TEX14: variants seen among roughly 807,000 people sequenced by gnomAD.
The protein encoded by TEX14 is testis expressed 14, intercellular bridge forming factor, also known as inactive serine/threonine-protein kinase TEX14.
TEX14 carries 168 observed loss-of-function variants against 178.6 expected under a neutral mutation model. The ratio of observed to expected loss-of-function variants is 0.94; its 90% confidence interval spans 0.83 to 1.07. TEX14 has a LOEUF of 1.07. Among genes scored for constraint, TEX14 ranks in the 50% least tolerant of loss-of-function variants. The probability of loss-of-function intolerance (pLI) is 0.00; values close to 1 mark genes in which losing one functional copy is unlikely to be tolerated. For synonymous variants in TEX14, 626 were observed against 634.1 expected, an observed-to-expected ratio of 0.99 and a Z score of 0.19; for missense variants, 1,730 against 1,753.6, an observed-to-expected ratio of 0.99 and a Z score of 0.24.
chr17:58,560,535 A>C (rs1474587899), intron 29 of TEX14, among the ~76,000 whole-genome samples: 2 of 152,240 alleles, frequency 1.3e-5, no homozygotes, highest in Non-Finnish European at 2.9e-5. Context: ...TTGAATAAAA[A>C]TCTGTTACTC....
At chr17:58,604,517 T>C (rs1268699246) in intron 11 of TEX14, among the ~76,000 whole-genome samples, 1 of 151,214 alleles carries the variant, frequency 6.6e-6, no homozygotes, top group Non-Finnish European at 1.5e-5. Flanking sequence ...TTAGTGTGGA[T>C]TAAATGCATC....
intron 10 of TEX14, among the ~76,000 whole-genome samples, chr17:58,605,917 A>C (rs568136153): frequency 6.6e-6 from 1 of 152,152 alleles, no homozygotes. Context: ...ATCTGCTTTT[A>C]TATCACTGTA....
In TEX14 at chr17:58,577,359, TA is replaced by T; in HGVS notation, c.3320+15del. The T allele has an allele frequency of 8.5e-7, 1 of 1,179,364 alleles. No individual in the cohort carries two copies. Among genetic ancestry groups the T allele is most frequent in the Non-Finnish European group, 1.2e-6 (1 of 847,046 alleles). The allele number at this position is 1,179,364 out of a possible 1,614,324, so 73.1% of individuals were successfully genotyped here. ...TCTATGAGTTTGAAACTGCATAAGA[TA>T]ATAATAGCCCATACCTTCGTACAGG... On this transcript the variant is annotated intron_variant, in intron 21 of 31. Transcript: ENST00000349033.
chr17:58,557,818 C>G lies in TEX14; in HGVS notation c.4300G>C (p.Gly1434Arg), dbSNP rs375785139. The G allele has an allele frequency of 1.2e-6, 2 of 1,612,354 alleles. No homozygotes were observed. Among genetic ancestry groups the G allele is most frequent in the Admixed American group, 1.7e-5 (1 of 59,896 alleles). The change falls in exon 31 of 32, where the codon GGT becomes CGT. Residue 1434 changes from glycine to arginine, a missense_variant. By Grantham distance (125) the Gly-to-Arg change is moderately radical. Coordinates refer to ENST00000349033, the MANE Select transcript of TEX14 (RefSeq NM_031272.5). ...CATTACCTGGATGATTCGGACCAAC[C>G]TAGTCGCTTCCAAAAACAGGATTTT... ...ELKSCFWKRL[G>R]WSESSRIIVL...
intron 2 of TEX14, among the ~76,000 whole-genome samples, chr17:58,634,640 T>G (rs560506430): frequency 2.6e-5 from 4 of 152,096 alleles, no homozygotes; most frequent in African/African-American, 9.7e-5. Context: ...CAAGCCAGCC[T>G]AAGAGTAGAG....
In TEX14 at chr17:58,611,217, G is replaced by A; in HGVS notation, c.1128C>T (p.Val376=). The A allele has an allele frequency of 6.2e-7, 1 of 1,613,934 alleles. No individual in the cohort carries two copies. The highest frequency in any genetic ancestry group is 1.1e-5 in the South Asian group (1 of 91,068). ...TCGCTTCACCTGGGGAGATGATATG[G>A]ACAGCATAGGAGCTGAGGGAGCGGT... ...FIHRSLSSYA[V]HIISPGEARL... The change falls in exon 10 of 32, where the codon GTC becomes GTT. Residue 376 remains valine, a synonymous_variant. Coordinates refer to ENST00000349033, the MANE Select transcript of TEX14 (RefSeq NM_031272.5).
chr17:58,596,839 G>T (rs1331384101), intron 14 of TEX14, among the ~76,000 whole-genome samples: 1 of 152,182 alleles, frequency 6.6e-6, no homozygotes, highest in Non-Finnish European at 1.5e-5. Flanking sequence ...CTACTCAGGG[G>T]TCTGAGGCGG....
chr17:58,596,191 T>TAA (rs966629664), intron 14 of TEX14, among the ~76,000 whole-genome samples: 4 of 146,898 alleles, frequency 2.7e-5, no homozygotes, highest in Admixed American at 2.7e-4. Flanking sequence ...TTTAAAAATT[T>TAA]AAAAAAAAAA....
chr17:58,616,456 C>CA, intron 6 of TEX14, 151 bp from the exon 7 acceptor site: 1 of 833,226 alleles, frequency 1.2e-6, no homozygotes, highest in Non-Finnish European at 1.8e-6. Flanking sequence ...TTTTTTGAGA[C>CA]AGGGTATCAC....
chr17:58,662,379 C>T (rs1275864238), intron 1 of TEX14, among the ~76,000 whole-genome samples: 1 of 150,360 alleles, frequency 6.7e-6, no homozygotes, highest in Non-Finnish European at 1.5e-5. Flanking sequence ...GTACATAATA[C>T]ATATTATGTG....
chr17:58,628,757 T>C (rs1598399696), intron 3 of TEX14, among the ~76,000 whole-genome samples: 2 of 148,926 alleles, frequency 1.3e-5, no homozygotes, highest in African/African-American at 2.5e-5. Context: ...TGGTGGCACG[T>C]GCCTGTAATC....
intron 3 of TEX14, among the ~76,000 whole-genome samples, chr17:58,626,962 A>C (rs1473056743): frequency 6.6e-6 from 1 of 152,172 alleles, no homozygotes; most frequent in East Asian, 1.9e-4. Context: ...CGGTACCTCT[A>C]TGCAGCCAAT....
chr17:58,602,635 G>T, intron 11 of TEX14, 45 bp from the exon 12 acceptor site: 1 of 1,504,282 alleles, frequency 6.6e-7, no homozygotes, highest in African/African-American at 1.4e-5. Flanking sequence ...GGAAACCAAA[G>T]AGTGGAGTGG....
chr17:58,600,613 G>A (rs1734940302), intron 13 of TEX14, among the ~76,000 whole-genome samples: 1 of 151,790 alleles, frequency 6.6e-6, no homozygotes, highest in Admixed American at 6.6e-5. Flanking sequence ...TACATTATGG[G>A]AGTAATGAAA....
At chr17:58,617,193 G>A (rs1957085691) in intron 6 of TEX14, among the ~76,000 whole-genome samples, 1 of 152,212 alleles carries the variant, frequency 6.6e-6, no homozygotes, top group Non-Finnish European at 1.5e-5. Flanking sequence ...GGTTGCAGCA[G>A]TGAGCCAAGA....
chr17:58,620,140 A>G (rs973414879), intron 5 of TEX14, among the ~76,000 whole-genome samples: 1 of 152,150 alleles, frequency 6.6e-6, no homozygotes, highest in Non-Finnish European at 1.5e-5. Context: ...ACAATTCTCT[A>G]AACTCTGAAG....
chr17:58,571,105 C>T (rs1463204593), intron 24 of TEX14, among the ~76,000 whole-genome samples: 2 of 152,092 alleles, frequency 1.3e-5, no homozygotes, highest in Non-Finnish European at 2.9e-5. Context: ...TTAGAATCTG[C>T]CCAATTAACG....
At chr17:58,684,029 C>T (rs2047549644) in intron 1 of TEX14, among the ~76,000 whole-genome samples, 2 of 152,130 alleles carry the variant, frequency 1.3e-5, no homozygotes, top group South Asian at 4.1e-4. Flanking sequence ...GGTGCCACTG[C>T]ACTCCAGCCT....
At position 58,659,782 on chromosome 17, in the gene TEX14, C is replaced by T. The variant is rs144722530; in HGVS notation, c.-1-7780G>A. On this transcript the variant is annotated intron_variant, in intron 1 of 31. Transcript: ENST00000349033. ...CGTGATCTCGGCTTACTGCAACCTC[C>T]GCCTCCCAGGTTCAAGCAATTCTTC... Among the ~76,000 whole-genome samples the T allele has an allele frequency of 1.1e-3, 166 of 152,108 alleles. 1 individual carries two copies. Among genetic ancestry groups the T allele is most frequent in the African/African-American group, 3.9e-3 (161 of 41,506 alleles).
Sources: gnomAD v4.1 joint callset for allele counts (sites outside exome capture counted in the v4.1 genomes callset) on GRCh38, gnomAD v4.1.1 for gene constraint, MANE v1.5 for transcripts, NCBI Gene and HGNC (gene_info 2026-07-23, HGNC 2026-07-21) for gene names.